The following EYS variants were observed in gnomAD, a reference collection of about 807,000 sequenced individuals.
EYS encodes EGF-like photoreceptor maintenance factor, also known as protein eyes shut homolog.
In EYS, 250 loss-of-function variants were observed where a neutral mutation model predicts 282.1. The observed-to-expected ratio is 0.89, with a 90% CI of 0.80 to 0.98. EYS has a LOEUF of 0.98. Ranked by LOEUF, EYS falls within the 50% of genes least tolerant of loss-of-function variation. EYS has a pLI of 0.00. For synonymous variants in EYS, 1,355 were observed against 1,282.9 expected (o/e 1.06, Z -1.20); for missense variants, 4,016 against 3,709.0 (o/e 1.08, Z -2.15).
chr6:64,775,122 T>G (rs1459905562), intron 22 of EYS, among the ~76,000 whole-genome samples: 1 of 151,888 alleles, frequency 6.6e-6, no homozygotes, highest in Non-Finnish European at 1.5e-5. Flanking sequence ...GCTGAAAACC[T>G]TACGACTGTT....
At chr6:64,123,057 G>A (rs1562212631) in intron 31 of EYS, among the ~76,000 whole-genome samples, 1 of 152,120 alleles carries the variant, frequency 6.6e-6, no homozygotes, top group Non-Finnish European at 1.5e-5. Context: ...GTAATAGGGT[G>A]TGTTTATAAA....
intron 36 of EYS, among the ~76,000 whole-genome samples, chr6:63,819,452 C>T (rs1771265276): frequency 6.6e-6 from 1 of 152,166 alleles, no homozygotes; most frequent in South Asian, 2.1e-4. Context: ...ACGAGACAGA[C>T]TGCTCTTCTG....
chr6:64,320,691 A>T (rs1054013172), intron 29 of EYS, among the ~76,000 whole-genome samples: 23 of 71,612 alleles, frequency 3.2e-4, no homozygotes, highest in Admixed American at 2.9e-3. Flanking sequence ...TCTTTGAGTC[A>T]TTTTTATCCT....
At chr6:64,537,018 T>A (rs1489746003) in intron 26 of EYS, among the ~76,000 whole-genome samples, 1 of 151,926 alleles carries the variant, frequency 6.6e-6, no homozygotes, top group East Asian at 1.9e-4. Context: ...TGTTTTTTTT[T>A]TATTATACTT....
intron 28 of EYS, among the ~76,000 whole-genome samples, chr6:64,434,065 A>T (rs914075423): frequency 1.3e-5 from 2 of 152,064 alleles, no homozygotes; most frequent in East Asian, 3.9e-4. Flanking sequence ...AGAAGTAATA[A>T]GCTAAAATGA....
intron 30 of EYS, among the ~76,000 whole-genome samples, chr6:64,283,448 C>T (rs1768382534): frequency 1.3e-5 from 2 of 152,096 alleles, no homozygotes; most frequent in Admixed American, 1.3e-4. Flanking sequence ...ACACTGTATT[C>T]TCAAAGCTTA....
intron 22 of EYS, among the ~76,000 whole-genome samples, chr6:64,782,151 T>C (rs1485396278): frequency 6.6e-6 from 1 of 152,222 alleles, no homozygotes; most frequent in Non-Finnish European, 1.5e-5. Context: ...AGATCATATG[T>C]TTTAACAAGA....
At chr6:64,360,903 G>A (rs916131857) in intron 29 of EYS, among the ~76,000 whole-genome samples, 1 of 151,486 alleles carries the variant, frequency 6.6e-6, no homozygotes, top group Admixed American at 6.6e-5. Context: ...ATTCCTTGTG[G>A]GCTCTCAGAT....
intron 33 of EYS, among the ~76,000 whole-genome samples, chr6:64,007,267 T>C (rs979239929): frequency 3.3e-5 from 5 of 152,138 alleles, no homozygotes; most frequent in African/African-American, 1.2e-4. Flanking sequence ...TTCTAGGTTT[T>C]CTAGTTTGTG....
chr6:63,752,232 A>T (rs1055869009), intron 41 of EYS, among the ~76,000 whole-genome samples: 1 of 151,760 alleles, frequency 6.6e-6, no homozygotes, highest in African/African-American at 2.4e-5. Flanking sequence ...GGCTGACACA[A>T]TTGATATCCA....
intron 22 of EYS, among the ~76,000 whole-genome samples, chr6:64,810,265 TG>T (rs1442461567): frequency 6.6e-6 from 1 of 152,090 alleles, no homozygotes; most frequent in Non-Finnish European, 1.5e-5. Context: ...TGTCAGTCAT[TG>T]GAATAAATCT....
intron 26 of EYS, among the ~76,000 whole-genome samples, chr6:64,457,822 G>C (rs947638699): frequency 4.0e-5 from 6 of 151,566 alleles, no homozygotes; most frequent in South Asian, 2.1e-4. Context: ...CTATGTTTTT[G>C]ACTGGAGAAT....
intron 5 of EYS, among the ~76,000 whole-genome samples, chr6:65,477,534 A>T (rs778324190): frequency 2.6e-5 from 4 of 152,194 alleles, no homozygotes; most frequent in African/African-American, 9.6e-5. Context: ...TTATATAAGC[A>T]GTATTACTGC....
intron 19 of EYS, among the ~76,000 whole-genome samples, chr6:64,824,815 C>T (rs1765002640): frequency 6.6e-6 from 1 of 151,836 alleles, no homozygotes. Flanking sequence ...CTAGAGACAG[C>T]ATCATCAAGA....
At chr6:64,036,250 G>A (rs1305069292) in intron 33 of EYS, among the ~76,000 whole-genome samples, 2 of 152,114 alleles carry the variant, frequency 1.3e-5, no homozygotes, top group Non-Finnish European at 2.9e-5. Flanking sequence ...AAAGATGATA[G>A]GACTGTTAAG....
chr6:65,059,742 G>A (rs1773516076), intron 12 of EYS, among the ~76,000 whole-genome samples: 1 of 152,102 alleles, frequency 6.6e-6, no homozygotes, highest in South Asian at 2.1e-4. Flanking sequence ...AGCACCTCAG[G>A]AAGAAACCTG....
intron 34 of EYS, among the ~76,000 whole-genome samples, chr6:63,996,065 T>C (rs1767821043): frequency 1.3e-5 from 2 of 152,018 alleles, no homozygotes; most frequent in Non-Finnish European, 2.9e-5. Context: ...CTGATAAATA[T>C]ATACTATTAT....
chr6:64,330,478 G>A (rs574193375), intron 29 of EYS, among the ~76,000 whole-genome samples: 1 of 152,288 alleles, frequency 6.6e-6, no homozygotes, highest in East Asian at 1.9e-4. Flanking sequence ...AATCAAGAAG[G>A]CCTTGATCCA....
chr6:64,192,002 C>A (rs1018819580), intron 31 of EYS, among the ~76,000 whole-genome samples: 2 of 144,842 alleles, frequency 1.4e-5, no homozygotes, highest in Non-Finnish European at 3.0e-5. Flanking sequence ...TGTTTCCTGA[C>A]TTTTTAATGA....
Sources: allele counts gnomAD v4.1 joint callset (sites outside exome capture counted in the v4.1 genomes callset), GRCh38; gene constraint gnomAD v4.1.1; transcripts MANE v1.5; gene names NCBI Gene and HGNC (gene_info 2026-07-23, HGNC 2026-07-21).